The following PSMG4 variants were observed in gnomAD, a reference collection of about 807,000 sequenced individuals.
PSMG4 encodes proteasome (prosome, macropain) assembly chaperone 4.
In PSMG4, 10 loss-of-function variants were observed where a neutral mutation model predicts 11.0. That is an observed-to-expected ratio of 0.91 (90% CI 0.56 to 1.54). The LOEUF (loss-of-function observed/expected upper bound fraction) is 1.54. Among genes scored for constraint, PSMG4 ranks in the 40% most tolerant of loss-of-function variants. The pLI is 0.00. For synonymous variants in PSMG4, 95 were observed against 71.3 expected (o/e 1.33, Z -1.68); for missense variants, 198 against 160.9 (o/e 1.23, Z -1.25).
upstream of PSMG4, among the ~76,000 whole-genome samples, chr6:3,256,152 T>A (rs1179206383): frequency 6.6e-6 from 1 of 152,340 alleles, no homozygotes; most frequent in South Asian, 2.1e-4. Context: ...GAATACTGTT[T>A]TTGACATGCT....
At chr6:3,254,709 G>A (rs749517019), upstream of PSMG4, among the ~76,000 whole-genome samples, 3 of 152,258 alleles carry the variant, frequency 2.0e-5, no homozygotes, top group East Asian at 1.9e-4. Flanking sequence ...TGTGGGATGC[G>A]CCTGGACACC....
At chr6:3,256,234 C>G (rs1197272214), upstream of PSMG4, among the ~76,000 whole-genome samples, 1 of 152,188 alleles carries the variant, frequency 6.6e-6, no homozygotes, top group Admixed American at 6.5e-5. Context: ...AGCTCCTACC[C>G]TATAGGGCAC....
upstream of PSMG4, among the ~76,000 whole-genome samples, chr6:3,254,465 CTT>C (rs1001192732): frequency 1.0e-3 from 154 of 150,926 alleles, 1 homozygote; most frequent in African/African-American, 3.6e-3. Context: ...TTTTGTGTGT[CTT>C]TTTAGATAAA....
upstream of PSMG4, among the ~76,000 whole-genome samples, chr6:3,256,262 T>C (rs1050437448): frequency 2.0e-5 from 3 of 152,372 alleles, no homozygotes; most frequent in South Asian, 6.2e-4. Context: ...ATGTGGGTGC[T>C]GGGCTAATTT....
At chr6:3,254,855 G>T (rs1456260001), upstream of PSMG4, among the ~76,000 whole-genome samples, 1 of 152,138 alleles carries the variant, frequency 6.6e-6, no homozygotes, top group Non-Finnish European at 1.5e-5. Flanking sequence ...CTTTAACTCA[G>T]GGTGAACATG....
chr6:3,256,322 C>G (rs981484742), upstream of PSMG4, among the ~76,000 whole-genome samples: 2 of 152,226 alleles, frequency 1.3e-5, no homozygotes, highest in Non-Finnish European at 2.9e-5. Context: ...GAAATGACCC[C>G]TGATGGGTCC....
Position 3,259,518 on chromosome 6 carries a change from A to G in PSMG4, c.174+322A>G, listed in dbSNP as rs557239826. ...GCGTCTGCCTCGTAGCTCTCCTGCC[A>G]TCTGGATTTTGAGCACACTGATAAT... On this transcript the variant is annotated intron_variant, in intron 1 of 2. Coordinates refer to ENST00000438998, the MANE Select transcript of PSMG4 (RefSeq NM_001128591.2). Among the ~76,000 whole-genome samples, 45 of 152,312 alleles carry G rather than the reference A, an allele frequency of 3.0e-4. 1 individual carries two copies. The highest frequency in any genetic ancestry group is 1.0e-3 in the Admixed American group (16 of 15,314).
upstream of PSMG4, chr6:3,255,244 C>T (rs559897534): frequency 6.0e-5 from 93 of 1,548,450 alleles, no homozygotes; most frequent in Non-Finnish European, 7.3e-5. Context: ...GCCTTCCATG[C>T]TGTTGGGTTC....
intron 2 of PSMG4, chr6:3,264,610 CAG>C (rs34371886): frequency 0.72 from 241,385 of 335,232 alleles, 88,187 homozygotes; most frequent in African/African-American, 0.76. Flanking sequence ...GTGGATAGGA[CAG>C]AGGTCAGGGA....
intron 1 of PSMG4, among the ~76,000 whole-genome samples, chr6:3,260,225 G>A (rs1435404770): frequency 1.3e-5 from 2 of 148,974 alleles, no homozygotes; most frequent in African/African-American, 5.0e-5. Flanking sequence ...AAGGACATCA[G>A]TAATGTTGGA....
intron 1 of PSMG4, 25 bp downstream of exon 1, chr6:3,259,221 CGGGCGGCGGGGCGG>C: frequency 1.7e-6 from 2 of 1,198,994 alleles, no homozygotes; most frequent in Non-Finnish European, 2.1e-6. Flanking sequence ...GCCGAGGGTG[CGGGCGGCGGGGCGG>C]GGGCGCGGGG....
upstream of PSMG4, among the ~76,000 whole-genome samples, chr6:3,256,471 C>G (rs906400086): frequency 1.3e-5 from 2 of 152,210 alleles, no homozygotes; most frequent in African/African-American, 2.4e-5. Flanking sequence ...AATGTTGCAT[C>G]TTCCTCCTCC....
At chr6:3,259,749 C>A (rs2127257258) in intron 1 of PSMG4, among the ~76,000 whole-genome samples, 1 of 152,322 alleles carries the variant, frequency 6.6e-6, no homozygotes, top group East Asian at 1.9e-4. Context: ...CTAGGCACTG[C>A]CGCCAGTCAA....
upstream of PSMG4, among the ~76,000 whole-genome samples, chr6:3,256,436 T>TC (rs777737638): frequency 1.3e-5 from 2 of 152,188 alleles, no homozygotes; most frequent in Non-Finnish European, 2.9e-5. Flanking sequence ...TTTCCCCAGA[T>TC]CTCAATTCCA....
chr6:3,263,417 G>A (rs1324218714), intron 1 of PSMG4, among the ~76,000 whole-genome samples: 6 of 152,226 alleles, frequency 3.9e-5, no homozygotes, highest in African/African-American at 1.2e-4. Flanking sequence ...ACACTAAAAC[G>A]AGCCTTTCGT....
chr6:3,263,700 C>T lies in PSMG4; in HGVS notation c.191C>T (p.Ser64Phe). Residue 64 changes from serine to phenylalanine, a missense_variant, in exon 2 of 3, where the codon TCT (serine) becomes TTT (phenylalanine). Physicochemically the swap from Ser to Phe is radical, Grantham distance 155. Coordinates refer to ENST00000438998, the MANE Select transcript of PSMG4 (RefSeq NM_001128591.2). ...TTCTTTTAGGACTCCATCCCCGTGTCTACCTCCCTCCTTGGAGACACTTCC... is the reference window on the plus strand; with the variant it reads ...TTCTTTTAGGACTCCATCCCCGTGTTTACCTCCCTCCTTGGAGACACTTCC... Reference protein sequence around the residue: ...MCSRYDSIPVSTSLLGDTSDT... With the variant: ...MCSRYDSIPVFTSLLGDTSDT... The T allele has an allele frequency of 1.3e-6, 2 of 1,550,288 alleles. No individual in the cohort carries two copies. Among genetic ancestry groups the T allele is most frequent in the African/African-American group, 1.4e-5 (1 of 73,126 alleles).
upstream of PSMG4, among the ~76,000 whole-genome samples, chr6:3,254,528 A>G (rs926276044): frequency 3.3e-5 from 5 of 150,676 alleles, no homozygotes; most frequent in African/African-American, 2.4e-5. Context: ...GAGCTGTAAC[A>G]ATTATCTGGA....
At chr6:3,267,411 C>G in intron 2 of PSMG4, 180 bp from the exon 3 acceptor site, 2 of 552,550 alleles carry the variant, frequency 3.6e-6, no homozygotes, top group East Asian at 3.7e-5. Flanking sequence ...CTGGGAGAGG[C>G]CTGAGTGACT....
In PSMG4 at chr6:3,267,864, G is replaced by C; in HGVS notation, c.*152G>C. On this transcript the variant is annotated 3_prime_UTR_variant, in exon 3 of 3. Transcript: ENST00000438998. ...CTTCTCAGCAGTGTGTGGGCCAAAA[G>C]GCTCATACTGACCCACCTGGTGAAG... 4.0e-6 allele frequency: 3 copies of C among 745,824 alleles called. No homozygotes were observed. In the South Asian group the frequency reaches 5.6e-5, roughly 14 times the overall value. 46.2% of individuals were successfully genotyped at this position (745,824 alleles called of 1,614,324 possible).
Sources: gnomAD v4.1 joint callset for allele counts (sites outside exome capture counted in the v4.1 genomes callset) on GRCh38, gnomAD v4.1.1 for gene constraint, MANE v1.5 for transcripts, NCBI Gene and HGNC (gene_info 2026-07-23, HGNC 2026-07-21) for gene names.